The following SHF variants were observed in gnomAD, a reference collection of about 807,000 sequenced individuals.
SHF encodes the protein SH2 domain-containing adapter protein F.
In SHF, 30 loss-of-function variants were observed where a neutral mutation model predicts 42.4. That is an observed-to-expected ratio of 0.71 (90% CI 0.53 to 0.96). The LOEUF is 0.96. Among genes scored for constraint, SHF ranks in the 40% least tolerant of loss-of-function variants. SHF has a pLI of 0.00. For missense variants in SHF, 598 were observed against 634.0 expected, an observed-to-expected ratio of 0.94 and a Z score of 0.61; for synonymous variants, 264 against 269.9, an observed-to-expected ratio of 0.98 and a Z score of 0.21.
chr15:45,199,287 G>C (rs1171980610), intron 1 of SHF: 2 of 559,602 alleles, frequency 3.6e-6, no homozygotes, highest in Non-Finnish European at 3.1e-6. Flanking sequence ...GCTGTGTCAC[G>C]GGGCCGCAGC....
At chr15:45,175,113 T>TG in intron 3 of SHF, 106 bp downstream of exon 3, 2 of 1,270,882 alleles carry the variant, frequency 1.6e-6, no homozygotes, top group Non-Finnish European at 2.2e-6. Flanking sequence ...CCTGGAGTCC[T>TG]GATCCTGGGC....
upstream of SHF, among the ~76,000 whole-genome samples, chr15:45,191,761 G>A (rs1421398646): frequency 6.7e-6 from 1 of 149,834 alleles, no homozygotes; most frequent in Non-Finnish European, 1.5e-5. Context: ...TTTTTTTTGG[G>A]GAAAACTATC....
chr15:45,185,465 T>C (rs6493137), intron 1 of SHF, among the ~76,000 whole-genome samples: 7,527 of 152,196 alleles, frequency 0.049, 641 homozygotes, highest in African/African-American at 0.17. Flanking sequence ...TCTCTCTAAA[T>C]GGTGGGAGGC....
chr15:45,172,748 T>C (rs539696198), intron 4 of SHF, among the ~76,000 whole-genome samples: 2 of 152,224 alleles, frequency 1.3e-5, no homozygotes, highest in Admixed American at 6.5e-5. Flanking sequence ...AAATGACTTA[T>C]CGATCTGAGA....
At chr15:45,185,552 C>T (rs971857745) in intron 1 of SHF, among the ~76,000 whole-genome samples, 1 of 152,246 alleles carries the variant, frequency 6.6e-6, no homozygotes, top group Non-Finnish European at 1.5e-5. Context: ...TCTCATCACA[C>T]CCATTAAAGA....
At chr15:45,170,222 G>C (rs930441004) in intron 6 of SHF, 11 of 532,256 alleles carry the variant, frequency 2.1e-5, no homozygotes, top group Admixed American at 1.6e-4. Flanking sequence ...TTCAAATCCT[G>C]GTTTGGGGAC....
upstream of SHF, among the ~76,000 whole-genome samples, chr15:45,191,119 C>T (rs1257245698): frequency 6.6e-6 from 1 of 152,210 alleles, no homozygotes; most frequent in Admixed American, 6.5e-5. Context: ...GGCTGGAATG[C>T]AGTGGCACAA....
intron 6 of SHF, among the ~76,000 whole-genome samples, chr15:45,169,159 T>G (rs1897350470): frequency 6.6e-6 from 1 of 152,178 alleles, no homozygotes; most frequent in South Asian, 2.1e-4. Context: ...GTGAGGGAGC[T>G]GCCTCCATCC....
intron 2 of SHF, chr15:45,198,688 G>C (rs980937131): frequency 1.3e-6 from 2 of 1,506,080 alleles, no homozygotes; most frequent in Non-Finnish European, 1.8e-6. Context: ...GAGCTACCGG[G>C]GACCCGTAGG....
In SHF at chr15:45,174,578, T is replaced by A. The variant is rs1472439185; in HGVS notation, c.847+641A>T. 3.3e-5 allele frequency: 5 copies of A among 152,292 alleles called. No homozygotes were observed. In the East Asian group the frequency reaches 9.6e-4, roughly 29 times the overall value. The allele number at this position is 152,292 out of a possible 1,614,324, so 9.4% of individuals were successfully genotyped here. A position where few individuals can be genotyped will look rare whatever the true frequency, so the allele number is the denominator to read the frequency against. On this transcript the variant is annotated intron_variant, in intron 3 of 6. Transcript: ENST00000690270. ...TTGAGCCCTTTATGTTCTCCCTGAA[T>A]CAAGGACCCAGGAGCAAAAGCCCTC...
chr15:45,187,808 G>A lies in SHF; in HGVS notation c.144C>T (p.Ala48=), dbSNP rs1898525332. Residue 48 remains alanine (A), a synonymous_variant, in exon 1 of 7, where the codon GCC becomes GCT. Transcript: ENST00000690270. ...AGCCCAGGTGCTCCCGGAGCCACTT[G>A]GCTACTCCGCCGCTGCCGCCCCCTC... The part of the protein sequence containing the change: ...GPGGGGSGGV[A]KWLREHLGFR... The A allele has an allele frequency of 1.1e-6, 1 of 878,314 alleles. No individual in the cohort carries two copies. The highest frequency in any genetic ancestry group is 1.5e-6 in the Non-Finnish European group (1 of 673,584). The allele number at this position is 878,314 out of a possible 1,614,324, so 54.4% of individuals were successfully genotyped here.
At chr15:45,188,062 A>T, upstream of SHF, 1 of 388,058 alleles carries the variant, frequency 2.6e-6, no homozygotes, top group Non-Finnish European at 4.0e-6. Flanking sequence ...GCGCTTCAGT[A>T]ACAAGGGAGA....
chr15:45,187,138 T>C (rs1898458512), intron 1 of SHF, among the ~76,000 whole-genome samples: 1 of 152,178 alleles, frequency 6.6e-6, no homozygotes, highest in Non-Finnish European at 1.5e-5. Context: ...TCAATTCCCG[T>C]TAGCAAAAGG....
chr15:45,194,871 C>T (rs139444248), intron 2 of SHF, among the ~76,000 whole-genome samples: 1 of 152,184 alleles, frequency 6.6e-6, no homozygotes, highest in African/African-American at 2.4e-5. Context: ...ACTCTGTCTT[C>T]CAGGCTGAGT....
intron 2 of SHF, among the ~76,000 whole-genome samples, chr15:45,197,349 T>G (rs1221278280): frequency 2.0e-5 from 3 of 151,998 alleles, no homozygotes; most frequent in Admixed American, 6.5e-5. Context: ...ACTGTGTGCT[T>G]GGAACACAAA....
Position 45,173,723 on chromosome 15 carries a change from CCAG to C in SHF, c.848-10_848-8del, listed in dbSNP as rs1225116233. ...TTGATGACCTTAATGTCAACTGGAG[CCAG>C]CAGCAGAAGTGAGAAGAGAGACAGA... On this transcript the variant is annotated splice_polypyrimidine_tract_variant and splice_region_variant and intron_variant, in intron 3 of 6. Transcript: ENST00000690270. The C allele has an allele frequency of 4.5e-6, 7 of 1,551,708 alleles. No homozygotes were observed. The South Asian group carries it at 8.3e-5, about 18-fold the overall frequency.
intron 6 of SHF, among the ~76,000 whole-genome samples, chr15:45,169,835 C>T (rs1305308737): frequency 1.3e-5 from 2 of 152,238 alleles, no homozygotes; most frequent in East Asian, 3.8e-4. Context: ...AAAGCCCTTG[C>T]CAGACCCTCA....
Position 45,175,343 on chromosome 15 carries a change from G to A in SHF, c.723C>T (p.Thr241=), listed in dbSNP as rs78344302. ...GCCAGGGGGCCCCCTCACCTTCCGC[G>A]GTGGCCCCATCCTCCTCTGGCTCAT... ...TPYEPEEDGA[T]AEGEGAPWPR... Residue 241 remains threonine (T), a synonymous_variant, in exon 3 of 7, where the codon ACC becomes ACT. Coordinates refer to ENST00000690270, the MANE Select transcript of SHF (RefSeq NM_001394037.1). 2.1e-3 allele frequency: 3,348 copies of A among 1,599,004 alleles called. 86 individuals are homozygous for A. The East Asian group carries it at 0.055, about 26-fold the overall frequency.
intron 2 of SHF, among the ~76,000 whole-genome samples, chr15:45,177,099 G>A (rs78587519): frequency 3.7e-4 from 57 of 152,236 alleles, no homozygotes; most frequent in African/African-American, 1.3e-3. Flanking sequence ...CCTCTCCCAA[G>A]TAGGAAGAGC....
Sources: gnomAD v4.1 joint callset for allele counts (sites outside exome capture counted in the v4.1 genomes callset) on GRCh38, gnomAD v4.1.1 for gene constraint, MANE v1.5 for transcripts, NCBI Gene and HGNC (gene_info 2026-07-23, HGNC 2026-07-21) for gene names.